Variants in GSDME observed in about 807,000 individuals in gnomAD.
The protein encoded by GSDME is gasdermin-E.
GSDME carries 44 observed loss-of-function variants against 47.5 expected under a neutral mutation model. The observed-to-expected ratio is 0.93, with a 90% CI of 0.73 to 1.19. The LOEUF is 1.19. Among genes scored for constraint, GSDME ranks in the 50% most tolerant of loss-of-function variants. GSDME has a pLI of 0.00. For missense variants in GSDME, 663 were observed against 604.2 expected (o/e 1.10, Z -1.02); for synonymous variants, 258 against 252.8 (o/e 1.02, Z -0.20).
chr7:24,737,053 T>C (rs1367199464), intron 3 of GSDME, among the ~76,000 whole-genome samples: 1 of 151,850 alleles, frequency 6.6e-6, no homozygotes, highest in Non-Finnish European at 1.5e-5. Context: ...ATCAAAAAAG[T>C]AGAAAAATTT....
chr7:24,743,436 C>G (rs1790550326), intron 3 of GSDME, among the ~76,000 whole-genome samples: 1 of 152,154 alleles, frequency 6.6e-6, no homozygotes, highest in African/African-American at 2.4e-5. Flanking sequence ...GAAATATCAT[C>G]CCCGCTGAAT....
chr7:24,698,690 G>A lies in GSDME; in HGVS notation c.*336C>T. On this transcript the variant is annotated 3_prime_UTR_variant, in exon 10 of 10. Transcript: ENST00000645220. ...GATTAAAGGGTCAGACTCTTTCTAT[G>A]TAACAAAAAGTGGAATGCAAGTGAC... The A allele has an allele frequency of 2.7e-6, 1 of 365,988 alleles. No homozygotes were observed. The highest frequency in any genetic ancestry group is 5.2e-6 in the Non-Finnish European group (1 of 192,164). The allele number at this position is 365,988 out of a possible 1,614,324, so 22.7% of individuals were successfully genotyped here. A position where few individuals can be genotyped will look rare whatever the true frequency, so the allele number is the denominator to read the frequency against.
the GSDME span, among the ~76,000 whole-genome samples, chr7:24,789,946 C>A: frequency 6.6e-6 from 1 of 152,162 alleles, no homozygotes; most frequent in Non-Finnish European, 1.5e-5. Context: ...AAGCAGGTTC[C>A]TATTACTATT....
the GSDME span, among the ~76,000 whole-genome samples, chr7:24,779,204 G>A: frequency 1.3e-5 from 2 of 152,220 alleles, no homozygotes; most frequent in Non-Finnish European, 2.9e-5. This position sits in a 1 kb window ranked among gnomAD's most constrained non-coding sequence, Gnocchi z 6.0. Flanking sequence ...AAGATATCTA[G>A]AAAGAAATTA....
chr7:24,785,307 T>C, the GSDME span, among the ~76,000 whole-genome samples: 1 of 152,188 alleles, frequency 6.6e-6, no homozygotes, highest in Admixed American at 6.5e-5. Flanking sequence ...GTACCTTGAG[T>C]TGCAATTTCA....
the GSDME span, among the ~76,000 whole-genome samples, chr7:24,769,493 T>C: frequency 6.6e-6 from 1 of 152,234 alleles, no homozygotes; most frequent in East Asian, 1.9e-4. Context: ...GCCTAAACGA[T>C]TGGGGTTTTA....
Position 24,706,300 on chromosome 7 carries a change from A to T in GSDME, c.1067T>A (p.Leu356His), listed in dbSNP as rs537500140. The T allele has an allele frequency of 3.7e-6, 6 of 1,614,058 alleles. No homozygotes were observed. In the Admixed American group the frequency reaches 8.3e-5, roughly 22 times the overall value. The change falls in exon 8 of 10, where the codon CTT (leucine) becomes CAT (histidine). Residue 356 changes from leucine (L) to histidine (H), a missense_variant. Transcript: ENST00000645220. Reference protein sequence around the residue: ...GELKPRQQQDLVAFLQLVGCS... With the variant: ...GELKPRQQQDHVAFLQLVGCS... ...CCCCACCAGCTGCAGGAAGGCCACA[A>T]GGTCCTGCTGCTGCCGGGGCTTCAG... is the stretch of plus-strand genomic sequence containing the variant.
chr7:24,734,267 G>T (rs553003536), intron 3 of GSDME, among the ~76,000 whole-genome samples: 1 of 152,308 alleles, frequency 6.6e-6, no homozygotes, highest in East Asian at 1.9e-4. Flanking sequence ...CAAAAAACTT[G>T]GATGACAACA....
At position 24,735,005 on chromosome 7, in the gene GSDME, G is replaced by A. The variant is rs756920805; in HGVS notation, c.404+9557C>T. Among the ~76,000 whole-genome samples, 1 of 152,078 alleles carries A rather than the reference G, an allele frequency of 6.6e-6. No individual in the cohort carries two copies. The highest frequency in any genetic ancestry group is 2.1e-4 in the South Asian group (1 of 4,830). ...AAGACTATCTCAAGGCATTTAATAA[G>A]CAAATTCCCAAAAATCAAGGATAAA... On this transcript the variant is annotated intron_variant, in intron 3 of 9. Transcript: ENST00000645220. The surrounding 1 kb of genome is among the most constrained non-coding windows in gnomAD (Gnocchi z 4.4).
chr7:24,759,888 T>C (rs1383871220), upstream of GSDME, among the ~76,000 whole-genome samples: 1 of 152,184 alleles, frequency 6.6e-6, no homozygotes, highest in Non-Finnish European at 1.5e-5. Flanking sequence ...AAAAAATAAT[T>C]GTGCTTATTA....
rs117068877 is a variant in GSDME, at chr7:24,707,154, G to A, written c.991-778C>T. The A allele has an allele frequency of 2.8e-4, 101 of 366,614 alleles. 1 individual carries two copies. Among genetic ancestry groups the A allele is most frequent in the East Asian group, 1.2e-3 (17 of 13,774 alleles). The allele number at this position is 366,614 out of a possible 1,614,324, so 22.7% of individuals were successfully genotyped here. A position where few individuals can be genotyped will look rare whatever the true frequency, so the allele number is the denominator to read the frequency against. ...CCATCACTGATACCCAGGCTCTTTC[G>A]GCACAATCTAATTTCAAGAGAGAAA... On this transcript the variant is annotated intron_variant, in intron 7 of 9. Coordinates refer to ENST00000645220, the MANE Select transcript of GSDME (RefSeq NM_001127453.2).
In GSDME at chr7:24,716,799, A is replaced by AG. The variant is rs1218685456; in HGVS notation, c.697+454dup. On this transcript the variant is annotated intron_variant, in intron 5 of 9. Coordinates refer to ENST00000645220, the MANE Select transcript of GSDME (RefSeq NM_001127453.2). This position sits in a 1 kb window ranked among gnomAD's most constrained non-coding sequence, Gnocchi z 4.5. ...ATGACCACTGTGCCAGGCGCTTCAT[A>AG]GGCCTCATCTCATTAAATCTTCACA... is the stretch of plus-strand genomic sequence containing the variant. The AG allele has an allele frequency of 4.5e-6, 1 of 221,024 alleles. No homozygotes were observed. The highest frequency in any genetic ancestry group is 9.2e-6 in the Non-Finnish European group (1 of 109,104). 13.7% of individuals were successfully genotyped at this position (221,024 alleles called of 1,614,324 possible). A position where few individuals can be genotyped will look rare whatever the true frequency, so the allele number is the denominator to read the frequency against.
At chr7:24,781,749 G>A in the GSDME span, among the ~76,000 whole-genome samples, 236 of 151,632 alleles carry the variant, frequency 1.6e-3, 3 homozygotes, top group African/African-American at 4.7e-3. Context: ...CACTCTTTTG[G>A]GGGGTGGGGG....
chr7:24,783,813 G>T, the GSDME span, among the ~76,000 whole-genome samples: 1 of 152,078 alleles, frequency 6.6e-6, no homozygotes, highest in Admixed American at 6.6e-5. Context: ...TTACTCCCAG[G>T]CTCCTTGTGT....
the GSDME span, among the ~76,000 whole-genome samples, chr7:24,771,940 C>T: frequency 6.6e-6 from 1 of 152,206 alleles, no homozygotes; most frequent in African/African-American, 2.4e-5. The surrounding 1 kb of genome is among the most constrained non-coding windows in gnomAD (Gnocchi z 4.1). Flanking sequence ...TGGCTATTAT[C>T]ATCCCATTTG....
At chr7:24,771,643 T>C in the GSDME span, among the ~76,000 whole-genome samples, 7 of 152,152 alleles carry the variant, frequency 4.6e-5, no homozygotes, top group Non-Finnish European at 8.8e-5. The surrounding 1 kb of genome is among the most constrained non-coding windows in gnomAD (Gnocchi z 4.1). Flanking sequence ...TTGGTATTTA[T>C]AGGTTACAGA....
At chr7:24,715,639 CAATTTG>C (rs936869481) in intron 5 of GSDME, 2 of 317,668 alleles carry the variant, frequency 6.3e-6, no homozygotes, top group African/African-American at 4.5e-5. Flanking sequence ...ACTAGAAGAA[CAATTTG>C]ATCCTCTTCA....
chr7:24,717,149 C>G (rs1789592306), intron 5 of GSDME, 105 bp downstream of exon 5: 6 of 1,147,502 alleles, frequency 5.2e-6, no homozygotes, highest in Non-Finnish European at 7.4e-6. Context: ...TCCCTCTCTT[C>G]CCACAGTCTC....
At chr7:24,717,660 G>A (rs534253267) in intron 4 of GSDME, among the ~76,000 whole-genome samples, 1 of 152,274 alleles carries the variant, frequency 6.6e-6, no homozygotes, top group African/African-American at 2.4e-5. Context: ...AAGATCATAC[G>A]ATACGTAAGA....
Sources: gnomAD v4.1 joint callset for allele counts (sites outside exome capture counted in the v4.1 genomes callset) on GRCh38, gnomAD v4.1.1 for gene constraint, Gnocchi (gnomAD v3.1) non-coding constraint, MANE v1.5 for transcripts, NCBI Gene and HGNC (gene_info 2026-07-23, HGNC 2026-07-21) for gene names.